The following GFRA2 variants were observed in gnomAD, a reference collection of about 807,000 sequenced individuals.
GFRA2 encodes GDNF family receptor alpha 2, also known as GDNF family receptor alpha-2.
Under a neutral mutation model 48.3 loss-of-function variants are expected in GFRA2, and 17 were observed. The observed-to-expected ratio is 0.35, with a 90% CI of 0.24 to 0.53. The LOEUF is 0.53. Among genes scored for constraint, GFRA2 ranks in the 20% least tolerant of loss-of-function variants. GFRA2 has a pLI of 0.93. For synonymous variants in GFRA2, 305 were observed against 257.2 expected (o/e 1.19, Z -1.78); for missense variants, 660 against 637.3 (o/e 1.04, Z -0.38).
intron 3 of GFRA2, among the ~76,000 whole-genome samples, chr8:21,768,305 T>G (rs1422539983): frequency 6.6e-6 from 1 of 152,230 alleles, no homozygotes; most frequent in Non-Finnish European, 1.5e-5. Flanking sequence ...AACATGCTTC[T>G]GCATTCGGCT....
upstream of GFRA2, among the ~76,000 whole-genome samples, chr8:21,793,866 G>GTT (rs770753159): frequency 0.29 from 38,858 of 135,034 alleles, 5,904 homozygotes; most frequent in South Asian, 0.38. Context: ...GAGAATCAAA[G>GTT]TTTTTTTTTT....
chr8:21,710,089 T>C (rs541567295), intron 4 of GFRA2, among the ~76,000 whole-genome samples: 1 of 152,146 alleles, frequency 6.6e-6, no homozygotes, highest in Non-Finnish European at 1.5e-5. Context: ...ACCCAGCCAC[T>C]GGGGAAGGAG....
chr8:21,700,242 G>T (rs1253997878), intron 7 of GFRA2, among the ~76,000 whole-genome samples: 1 of 131,212 alleles, frequency 7.6e-6, no homozygotes, highest in African/African-American at 3.2e-5. Context: ...TTCAGACAAG[G>T]TATATATTTA....
chr8:21,724,239 G>A (rs1803746224), intron 4 of GFRA2, among the ~76,000 whole-genome samples: 1 of 152,110 alleles, frequency 6.6e-6, no homozygotes, highest in Admixed American at 6.5e-5. Context: ...TGGGGGGCCT[G>A]GTGTTTCTTG....
intron 3 of GFRA2, among the ~76,000 whole-genome samples, chr8:21,759,083 G>C (rs1805739220): frequency 1.3e-5 from 2 of 152,122 alleles, no homozygotes; most frequent in African/African-American, 2.4e-5. Context: ...GAAAGACTGA[G>C]AGTAAACACA....
rs906545352 is a variant in GFRA2, at chr8:21,799,818, G to A, written c.-36+5199C>T. ...GCTGGCAACAGTCCTGGAAACACAG[G>A]GCTCCCCCAACAAGAAGCCTGTGTC... On this transcript the variant is annotated intron_variant, in intron 2 of 10. Coordinates refer to the GFRA2 transcript ENST00000517328. Among the ~76,000 whole-genome samples, 50 of 152,266 alleles carry A rather than the reference G, an allele frequency of 3.3e-4. No homozygotes were observed. The South Asian group carries it at 9.6e-3, about 29-fold the overall frequency.
intron 4 of GFRA2, among the ~76,000 whole-genome samples, chr8:21,742,572 C>T (rs1804800712): frequency 6.6e-6 from 1 of 152,176 alleles, no homozygotes; most frequent in East Asian, 1.9e-4. Flanking sequence ...AGGAGACAGT[C>T]CATGCCAGTG....
intron 4 of GFRA2, among the ~76,000 whole-genome samples, chr8:21,738,852 C>A (rs932352595): frequency 1.3e-5 from 2 of 152,196 alleles, no homozygotes; most frequent in Non-Finnish European, 2.9e-5. Flanking sequence ...CTCCAGCATC[C>A]CAGGTGCAAG....
chr8:21,776,994 C>A (rs1333581929), intron 2 of GFRA2, among the ~76,000 whole-genome samples: 1 of 152,150 alleles, frequency 6.6e-6, no homozygotes, highest in Non-Finnish European at 1.5e-5. Flanking sequence ...TGTTAGACTG[C>A]GTTTTCCAGG....
chr8:21,774,549 C>T (rs919039413), intron 3 of GFRA2, among the ~76,000 whole-genome samples: 18 of 152,324 alleles, frequency 1.2e-4, no homozygotes, highest in Middle Eastern at 3.4e-3. Context: ...CCACTTAGAC[C>T]TCGCAGCAAT....
intron 8 of GFRA2, among the ~76,000 whole-genome samples, chr8:21,693,694 G>A (rs1027824330): frequency 7.2e-5 from 11 of 152,010 alleles, no homozygotes; most frequent in African/African-American, 2.7e-4. Flanking sequence ...CCTGCATCAG[G>A]GCTGAGGACC....
chr8:21,752,868 C>T (rs1471956069), intron 3 of GFRA2, among the ~76,000 whole-genome samples: 1 of 152,178 alleles, frequency 6.6e-6, no homozygotes, highest in Non-Finnish European at 1.5e-5. Context: ...CAAACCCTGG[C>T]AGCTCCACCT....
chr8:21,742,313 G>A (rs1208753191), intron 4 of GFRA2, among the ~76,000 whole-genome samples: 1 of 152,130 alleles, frequency 6.6e-6, no homozygotes, highest in Non-Finnish European at 1.5e-5. Flanking sequence ...AAGAGGAACA[G>A]ACAACAGATT....
intron 3 of GFRA2, among the ~76,000 whole-genome samples, chr8:21,753,636 G>GAAAGA (rs955466515): frequency 7.2e-5 from 11 of 152,024 alleles, no homozygotes; most frequent in African/African-American, 2.7e-4. Flanking sequence ...AAGAAAAAAA[G>GAAAGA]AAAGAAAAGA....
At chr8:21,745,556 CA>C (rs1479368795) in intron 4 of GFRA2, among the ~76,000 whole-genome samples, 1 of 152,212 alleles carries the variant, frequency 6.6e-6, no homozygotes, top group African/African-American at 2.4e-5. Flanking sequence ...CTCCCATTTT[CA>C]GAATGAAGAT....
intron 3 of GFRA2, among the ~76,000 whole-genome samples, chr8:21,767,926 G>A (rs1477822092): frequency 1.3e-5 from 2 of 152,018 alleles, no homozygotes; most frequent in East Asian, 1.9e-4. Context: ...TCCTTCTACC[G>A]ACTGACAAGA....
intron 4 of GFRA2, among the ~76,000 whole-genome samples, chr8:21,714,635 T>C (rs1238722148): frequency 2.0e-5 from 3 of 151,804 alleles, no homozygotes; most frequent in Admixed American, 6.6e-5. Context: ...AGAAAGGGAG[T>C]TGACATTTAC....
chr8:21,803,255 G>T (rs1470638984), intron 2 of GFRA2, among the ~76,000 whole-genome samples: 2 of 152,184 alleles, frequency 1.3e-5, no homozygotes, highest in African/African-American at 4.8e-5. Flanking sequence ...CAACTGAAGG[G>T]CAGAGAGCTG....
Position 21,775,011 on chromosome 8 carries a change from G to T in GFRA2, c.400C>A (p.Arg134Ser), listed in dbSNP as rs1806626086. Residue 134 changes from arginine to serine, a missense_variant, in exon 3 of 9, where the codon CGC (arginine) becomes AGC (serine). By Grantham distance (110) the Arg-to-Ser change is moderately radical. Coordinates refer to ENST00000524240, the MANE Select transcript of GFRA2 (RefSeq NM_001495.5). ...EASPYEPVTS[R>S]LSDIFRLASI... ...GCAAGCCTGAAGATGTCCGAGAGGC[G>T]GGAGGTCACCGGCTCATAGGGGGAG... 2 of 1,606,368 alleles carry T rather than the reference G, an allele frequency of 1.2e-6. No homozygotes were observed. The highest frequency in any genetic ancestry group is 1.1e-5 in the South Asian group (1 of 90,882).
Sources: gnomAD v4.1 joint callset for allele counts (sites outside exome capture counted in the v4.1 genomes callset) on GRCh38, gnomAD v4.1.1 for gene constraint, MANE v1.5 for transcripts, NCBI Gene and HGNC (gene_info 2026-07-23, HGNC 2026-07-21) for gene names.